The following LSAMP variants were observed in gnomAD, a reference collection of about 807,000 sequenced individuals.
The protein encoded by LSAMP is limbic system-associated membrane protein.
Under a neutral mutation model 38.6 loss-of-function variants are expected in LSAMP, and 7 were observed. The ratio of observed to expected loss-of-function variants is 0.18; its 90% CI spans 0.10 to 0.34. The LOEUF (loss-of-function observed/expected upper bound fraction) is 0.34, where lower values mean the gene tolerates loss of function less well. Ranked by LOEUF, LSAMP falls within the 10% of genes least tolerant of loss-of-function variation. LSAMP has a pLI of 1.00. For synonymous variants in LSAMP, 154 were observed against 166.8 expected (o/e 0.92, Z 0.59); for missense variants, 313 against 420.0 (o/e 0.75, Z 2.23).
chr3:116,002,979 A>G (rs1019111397), intron 3 of LSAMP, among the ~76,000 whole-genome samples: 1 of 152,160 alleles, frequency 6.6e-6, no homozygotes, highest in Non-Finnish European at 1.5e-5. Flanking sequence ...CAAACATGTT[A>G]TTGTTAACTG....
intron 1 of LSAMP, among the ~76,000 whole-genome samples, chr3:116,255,445 TTTGA>T (rs1444818612): frequency 6.6e-6 from 1 of 152,106 alleles, no homozygotes; most frequent in Admixed American, 6.5e-5. Flanking sequence ...GCTAGAACAG[TTTGA>T]TTATGTGCCA....
At chr3:115,834,385 A>G (rs750067517) in intron 6 of LSAMP, among the ~76,000 whole-genome samples, 3 of 152,162 alleles carry the variant, frequency 2.0e-5, no homozygotes, top group Admixed American at 6.6e-5. Flanking sequence ...TTCCATGCCT[A>G]TTCAACTGGT....
intron 1 of LSAMP, among the ~76,000 whole-genome samples, chr3:116,232,321 T>G (rs995199560): frequency 6.6e-6 from 1 of 152,234 alleles, no homozygotes; most frequent in Non-Finnish European, 1.5e-5. Flanking sequence ...AGTGTGATCG[T>G]ATGACTTACT....
intron 1 of LSAMP, among the ~76,000 whole-genome samples, chr3:116,109,587 T>C (rs1456397930): frequency 2.0e-5 from 3 of 152,092 alleles, no homozygotes; most frequent in African/African-American, 7.2e-5. Context: ...TTAGATCTTG[T>C]AGGATGGAAA....
chr3:116,084,198 G>A (rs866299645), intron 2 of LSAMP, among the ~76,000 whole-genome samples: 1 of 152,072 alleles, frequency 6.6e-6, no homozygotes, highest in Non-Finnish European at 1.5e-5. Flanking sequence ...AAATGAGATA[G>A]TAGATAAACA....
intron 2 of LSAMP, among the ~76,000 whole-genome samples, chr3:116,076,769 T>G (rs1388802824): frequency 6.6e-6 from 1 of 152,168 alleles, no homozygotes; most frequent in Non-Finnish European, 1.5e-5. Flanking sequence ...TTCGTTCTAT[T>G]GTAAAACAAC....
chr3:116,401,211 G>C (rs2048837171), intron 1 of LSAMP, among the ~76,000 whole-genome samples: 1 of 152,138 alleles, frequency 6.6e-6, no homozygotes. Flanking sequence ...ATTTATTAAA[G>C]AGAAACTTGT....
intron 1 of LSAMP, among the ~76,000 whole-genome samples, chr3:116,355,141 G>A (rs2048204614): frequency 6.6e-6 from 1 of 151,804 alleles, no homozygotes; most frequent in African/African-American, 2.4e-5. Flanking sequence ...ACATTTATAT[G>A]TGCATAAATA....
At chr3:116,287,475 C>A (rs894755482) in intron 1 of LSAMP, among the ~76,000 whole-genome samples, 1 of 152,076 alleles carries the variant, frequency 6.6e-6, no homozygotes, top group Admixed American at 6.6e-5. Flanking sequence ...AGAGCAGCTG[C>A]CTGTAAAATG....
chr3:116,424,324 T>A (rs182770481), intron 1 of LSAMP, among the ~76,000 whole-genome samples: 1 of 152,196 alleles, frequency 6.6e-6, no homozygotes. Flanking sequence ...CACTCAAGTT[T>A]TGAGGCTGAG....
At chr3:116,260,450 AT>A (rs1486044732) in intron 1 of LSAMP, among the ~76,000 whole-genome samples, 1 of 151,904 alleles carries the variant, frequency 6.6e-6, no homozygotes, top group Non-Finnish European at 1.5e-5. Flanking sequence ...AACTATACTA[AT>A]ATATTATAAA....
chr3:116,254,256 A>AT (rs2046721950), intron 1 of LSAMP, among the ~76,000 whole-genome samples: 1 of 152,194 alleles, frequency 6.6e-6, no homozygotes, highest in Non-Finnish European at 1.5e-5. Context: ...TTAGAGCTGC[A>AT]TTTAATAGTC....
chr3:116,251,100 G>GA (rs1439534139), intron 1 of LSAMP, among the ~76,000 whole-genome samples: 1 of 152,166 alleles, frequency 6.6e-6, no homozygotes, highest in Non-Finnish European at 1.5e-5. Context: ...CTGCCTCCTT[G>GA]ATAAGATATG....
chr3:116,039,997 G>C lies in LSAMP; in HGVS notation c.389-20357C>G, dbSNP rs557679442. 1.0e-4 allele frequency among the ~76,000 whole-genome samples: 15 copies of C among 149,122 alleles called. No homozygotes were observed. The South Asian group carries it at 1.7e-3, about 17-fold the overall frequency. On this transcript the variant is annotated intron_variant, in intron 2 of 6. Coordinates refer to ENST00000490035, the MANE Select transcript of LSAMP (RefSeq NM_002338.5). ...AGCTCTTTACTCTGCCTCTCTTTGG[G>C]GGGGGAAAAAAACTGGTCCCCTTTT...
intron 1 of LSAMP, among the ~76,000 whole-genome samples, chr3:116,220,418 A>G (rs542144426): frequency 6.6e-6 from 1 of 151,976 alleles, no homozygotes; most frequent in South Asian, 2.1e-4. Flanking sequence ...AAAAGGAACA[A>G]AGTACCAAAG....
At chr3:116,092,568 C>T (rs1244676325) in intron 1 of LSAMP, among the ~76,000 whole-genome samples, 1 of 152,058 alleles carries the variant, frequency 6.6e-6, no homozygotes, top group Non-Finnish European at 1.5e-5. Context: ...TTTTATCTTC[C>T]CTGTTTAGTA....
chr3:116,413,619 CA>C (rs2049008481), intron 1 of LSAMP, among the ~76,000 whole-genome samples: 1 of 151,996 alleles, frequency 6.6e-6, no homozygotes, highest in Non-Finnish European at 1.5e-5. Flanking sequence ...GAATCAGCAC[CA>C]AAGTCCTGTA....
chr3:116,288,738 A>G (rs2047224063), intron 1 of LSAMP, among the ~76,000 whole-genome samples: 1 of 152,188 alleles, frequency 6.6e-6, no homozygotes, highest in Non-Finnish European at 1.5e-5. Flanking sequence ...TTTTCCTGGC[A>G]TAGACAGTGA....
At chr3:115,811,451 T>G (rs1933828916) in intron 6 of LSAMP, among the ~76,000 whole-genome samples, 1 of 152,146 alleles carries the variant, frequency 6.6e-6, no homozygotes, top group Admixed American at 6.5e-5. Context: ...CAGGGACTTT[T>G]GGATTTAAGA....
Sources: allele counts gnomAD v4.1 joint callset (sites outside exome capture counted in the v4.1 genomes callset), GRCh38; gene constraint gnomAD v4.1.1; transcripts MANE v1.5; gene names NCBI Gene and HGNC (gene_info 2026-07-23, HGNC 2026-07-21).